The following DCK variants were observed in gnomAD, a reference collection of about 807,000 sequenced individuals.
DCK encodes the protein deoxyadenosine kinase.
A neutral mutation model predicts 38.3 loss-of-function variants in DCK; 23 were observed. That is an observed-to-expected ratio of 0.60 (90% CI 0.43 to 0.85). The LOEUF (loss-of-function observed/expected upper bound fraction) is 0.85, where lower values mean the gene tolerates loss of function less well. Ranked by LOEUF, DCK falls within the 40% of genes least tolerant of loss-of-function variation. The probability of loss-of-function intolerance (pLI) is 0.00; values close to 1 mark genes in which losing one functional copy is unlikely to be tolerated. For missense variants in DCK, 259 were observed against 304.4 expected (o/e 0.85, Z 1.11); for synonymous variants, 108 against 100.6 (o/e 1.07, Z -0.44).
At chr4:71,015,847 G>A (rs1056855385) in intron 2 of DCK, among the ~76,000 whole-genome samples, 1 of 151,986 alleles carries the variant, frequency 6.6e-6, no homozygotes, top group African/African-American at 2.4e-5. Context: ...GCAAAAACTG[G>A]AAACATTCCC....
At chr4:71,027,588 C>T (rs1740574072) in intron 6 of DCK, among the ~76,000 whole-genome samples, 1 of 152,070 alleles carries the variant, frequency 6.6e-6, no homozygotes, top group Non-Finnish European at 1.5e-5. Context: ...TTTTTCCTTT[C>T]TTTTGTGGCA....
In DCK at chr4:71,026,012, T is replaced by C. The variant is rs1191857711; in HGVS notation, c.665+81T>C. 1.3e-5 allele frequency: 18 copies of C among 1,407,566 alleles called. 1 individual carries two copies. Among genetic ancestry groups the C allele is most frequent in the Non-Finnish European group, 1.7e-5 (18 of 1,074,520 alleles). 87.2% of individuals were successfully genotyped at this position (1,407,566 alleles called of 1,614,324 possible). The stretch of plus-strand genomic sequence containing the variant: ...ATTTTAATCTAAAATTTGGAAGATA[T>C]GACTAGCAATATGTAAAATTTCCAG... On this transcript the variant is annotated intron_variant, in intron 5 of 6. Transcript: ENST00000286648.
Position 71,030,431 on chromosome 4 carries a change from TTTC to T in DCK, c.*1056_*1058del, listed in dbSNP as rs1188411177. The T allele has an allele frequency of 6.6e-6, 1 of 152,190 alleles. No individual in the cohort carries two copies. Among genetic ancestry groups the T allele is most frequent in the Non-Finnish European group, 1.5e-5 (1 of 67,992 alleles). The allele number at this position is 152,190 out of a possible 1,614,324, so 9.4% of individuals were successfully genotyped here. A position where few individuals can be genotyped will look rare whatever the true frequency, so the allele number is the denominator to read the frequency against. Reference sequence around the variant, plus strand: ...TCATTTTCACTTTTAAACTACTATTTTTCTTTCCAAGTCATTTTTGTTTTTGGT... The same window carrying T: ...TCATTTTCACTTTTAAACTACTATTTTTTCCAAGTCATTTTTGTTTTTGGT... On this transcript the variant is annotated 3_prime_UTR_variant, in exon 7 of 7. Coordinates refer to ENST00000286648, the MANE Select transcript of DCK (RefSeq NM_000788.3).
intron 2 of DCK, among the ~76,000 whole-genome samples, chr4:71,007,243 T>C (rs1739968490): frequency 1.3e-5 from 2 of 152,196 alleles, no homozygotes; most frequent in East Asian, 1.9e-4. Flanking sequence ...TAGTCTACAG[T>C]AGAATTTTAA....
chr4:71,027,086 A>G (rs916154951), intron 6 of DCK, among the ~76,000 whole-genome samples: 1 of 151,310 alleles, frequency 6.6e-6, no homozygotes, highest in Non-Finnish European at 1.5e-5. Flanking sequence ...ATTCTTTCTC[A>G]CCCCCTTTTT....
At chr4:71,014,684 G>A (rs535193521) in intron 2 of DCK, among the ~76,000 whole-genome samples, 26 of 152,276 alleles carry the variant, frequency 1.7e-4, no homozygotes, top group South Asian at 2.1e-4. Flanking sequence ...GGTACATAAC[G>A]AAATGAAGGC....
At chr4:71,019,493 CT>C (rs1426579606) in intron 2 of DCK, among the ~76,000 whole-genome samples, 4 of 152,076 alleles carry the variant, frequency 2.6e-5, no homozygotes, top group Non-Finnish European at 5.9e-5. Context: ...ATCTCCAGAA[CT>C]TTAGCCTCCT....
At chr4:71,018,960 C>T (rs1380922161) in intron 2 of DCK, among the ~76,000 whole-genome samples, 1 of 152,102 alleles carries the variant, frequency 6.6e-6, no homozygotes, top group African/African-American at 2.4e-5. Context: ...GCCTGAGCTG[C>T]CTCACCTGGC....
chr4:71,001,636 A>G (rs552210951), intron 2 of DCK, among the ~76,000 whole-genome samples: 1 of 151,990 alleles, frequency 6.6e-6, no homozygotes, highest in Non-Finnish European at 1.5e-5. Context: ...TTTGGTTGGT[A>G]GGATATTATT....
At chr4:71,027,500 C>T (rs925980247) in intron 6 of DCK, among the ~76,000 whole-genome samples, 1 of 152,026 alleles carries the variant, frequency 6.6e-6, no homozygotes. Context: ...ACAAATATCC[C>T]TATACCCATG....
At chr4:71,012,632 C>T (rs989470108) in intron 2 of DCK, among the ~76,000 whole-genome samples, 12 of 152,306 alleles carry the variant, frequency 7.9e-5, no homozygotes, top group Non-Finnish European at 1.2e-4. Flanking sequence ...CTGCAGCCTC[C>T]GCTGCTGATA....
chr4:71,004,815 A>C (rs187478115), intron 2 of DCK, among the ~76,000 whole-genome samples: 1 of 152,150 alleles, frequency 6.6e-6, no homozygotes, highest in Non-Finnish European at 1.5e-5. Flanking sequence ...CCCCCCACCA[A>C]GCTTCAGTGT....
chr4:71,000,803 C>T (rs771063358), intron 2 of DCK, among the ~76,000 whole-genome samples: 4 of 152,120 alleles, frequency 2.6e-5, no homozygotes, highest in Non-Finnish European at 5.9e-5. Context: ...GGAATTCACT[C>T]ATGATTTGGT....
intron 2 of DCK, among the ~76,000 whole-genome samples, chr4:71,021,108 G>C (rs559742942): frequency 7.8e-6 from 1 of 128,178 alleles, no homozygotes; most frequent in East Asian, 2.3e-4. Flanking sequence ...TCGCTCTGTC[G>C]CCCAGGCTGG....
intron 2 of DCK, among the ~76,000 whole-genome samples, chr4:71,017,076 C>T (rs1005404533): frequency 6.6e-6 from 1 of 152,042 alleles, no homozygotes; most frequent in African/African-American, 2.4e-5. Flanking sequence ...TGAACTCAAA[C>T]AAATTTACAA....
intron 1 of DCK, among the ~76,000 whole-genome samples, chr4:70,996,023 A>C (rs1403979795): frequency 1.3e-5 from 2 of 152,196 alleles, no homozygotes; most frequent in African/African-American, 4.8e-5. Flanking sequence ...ATGGCAACAT[A>C]GTGAGAACTA....
chr4:70,995,804 G>A (rs899323959), intron 1 of DCK, among the ~76,000 whole-genome samples: 5 of 152,100 alleles, frequency 3.3e-5, no homozygotes, highest in Non-Finnish European at 5.9e-5. Context: ...GTATGCAAAT[G>A]TCATGTGTTA....
chr4:70,997,302 C>T (rs1739681186), intron 1 of DCK, among the ~76,000 whole-genome samples: 1 of 152,104 alleles, frequency 6.6e-6, no homozygotes, highest in African/African-American at 2.4e-5. Flanking sequence ...TAACATTCTT[C>T]TAAATGCTGT....
At chr4:71,002,476 G>T (rs1390841613) in intron 2 of DCK, among the ~76,000 whole-genome samples, 1 of 152,124 alleles carries the variant, frequency 6.6e-6, no homozygotes. Context: ...ATGTCTTTCA[G>T]GTCTGCTTGG....
Sources: gnomAD v4.1 joint callset for allele counts (sites outside exome capture counted in the v4.1 genomes callset) on GRCh38, gnomAD v4.1.1 for gene constraint, MANE v1.5 for transcripts, NCBI Gene and HGNC (gene_info 2026-07-23, HGNC 2026-07-21) for gene names.